The following CFAP97 variants were observed in gnomAD, a reference collection of about 807,000 sequenced individuals.
CFAP97 encodes the protein cilia and flagella associated protein 97, also known as cilia- and flagella-associated protein 97.
In CFAP97, 36 loss-of-function variants were observed where a neutral mutation model predicts 43.1. The observed-to-expected ratio is 0.84, with a 90% confidence interval of 0.64 to 1.10. The LOEUF is 1.10. CFAP97 is among the 50% of genes least tolerant of loss of function. The pLI, the probability that CFAP97 is intolerant of heterozygous loss-of-function variation, is 0.00. For missense variants in CFAP97, 657 were observed against 620.3 expected, an observed-to-expected ratio of 1.06 and a Z score of -0.63; for synonymous variants, 228 against 225.7, an observed-to-expected ratio of 1.01 and a Z score of -0.09.
intron 2 of CFAP97, among the ~76,000 whole-genome samples, chr4:185,188,085 T>C (rs530921046): frequency 2.6e-5 from 4 of 151,848 alleles, no homozygotes; most frequent in South Asian, 4.2e-4. Flanking sequence ...TTAGTAGAGA[T>C]GGGGTTTCAC....
chr4:185,206,480 T>G (rs901071406), upstream of CFAP97, among the ~76,000 whole-genome samples: 7 of 76,620 alleles, frequency 9.1e-5, no homozygotes, highest in Non-Finnish European at 1.5e-4. Context: ...ACCAGCCCGA[T>G]GAACCCCATC....
At chr4:185,173,312 G>A (rs867954726) in intron 3 of CFAP97, among the ~76,000 whole-genome samples, 25 of 148,348 alleles carry the variant, frequency 1.7e-4, no homozygotes, top group African/African-American at 5.9e-4. Context: ...ACAGTGAGCC[G>A]AGATCACGTC....
Position 185,162,263 on chromosome 4 carries a change from A to C in CFAP97, c.*535T>G, listed in dbSNP as rs1734897650. The C allele has an allele frequency of 6.5e-6, 1 of 153,468 alleles. No individual in the cohort carries two copies. Among genetic ancestry groups the C allele is most frequent in the East Asian group, 1.9e-4 (1 of 5,226 alleles). The allele number at this position is 153,468 out of a possible 1,614,324, so 9.5% of individuals were successfully genotyped here. On this transcript the variant is annotated 3_prime_UTR_variant, in exon 5 of 5. Transcript: ENST00000458385. Reference sequence around the variant, plus strand: ...AATTGCTCCAATAGAAGCGTCTCTCAATCTGCTCATCAAATCTAGATCAGC... The same window carrying C: ...AATTGCTCCAATAGAAGCGTCTCTCCATCTGCTCATCAAATCTAGATCAGC...
chr4:185,201,325 C>CTAAA (rs1736816898), intron 1 of CFAP97, among the ~76,000 whole-genome samples: 5 of 128,170 alleles, frequency 3.9e-5, no homozygotes, highest in African/African-American at 5.9e-5. Flanking sequence ...GACTCCGCCT[C>CTAAA]AAAAAAAAAA....
chr4:185,169,148 G>C (rs1458423379), intron 3 of CFAP97: 1 of 152,152 alleles, frequency 6.6e-6, no homozygotes, highest in Non-Finnish European at 1.5e-5. Context: ...GTAAGTTCTG[G>C]AGATCTAATG....
chr4:185,194,122 G>A lies in CFAP97; in HGVS notation c.-16-2910C>T, dbSNP rs191013323. On this transcript the variant is annotated intron_variant, in intron 1 of 4. Transcript: ENST00000458385. Reference sequence around the variant, plus strand: ...CTCCCCCAGCTTTCACACTACGACTGCAGAGCTAAGTAGCTGTGATTGAGA... The same window carrying A: ...CTCCCCCAGCTTTCACACTACGACTACAGAGCTAAGTAGCTGTGATTGAGA... Among the ~76,000 whole-genome samples, 559 of 152,290 alleles carry A rather than the reference G, an allele frequency of 3.7e-3. 3 individuals carry two copies. The highest frequency in any genetic ancestry group is 6.6e-3 in the Non-Finnish European group (451 of 68,026).
In CFAP97 at chr4:185,191,022, T is replaced by C. The variant is rs375760660; in HGVS notation, c.175A>G (p.Thr59Ala). 1.2e-6 allele frequency: 2 copies of C among 1,613,470 alleles called. No individual in the cohort carries two copies. The highest frequency in any genetic ancestry group is 1.7e-6 in the Non-Finnish European group (2 of 1,179,680). Reference protein sequence around the residue: ...KNVNSNTGMQTTENYLTEKGN... With the variant: ...KNVNSNTGMQATENYLTEKGN... ...TTCTCAGTAAGATAATTTTCTGTTG[T>C]TTGCATTCCAGTGTTCGAATTTACA... The change falls in exon 2 of 5, where the codon ACA becomes GCA. Residue 59 changes from threonine to alanine, a missense_variant. Coordinates refer to ENST00000458385, the MANE Select transcript of CFAP97 (RefSeq NM_020827.3).
intron 3 of CFAP97, among the ~76,000 whole-genome samples, chr4:185,168,087 T>C (rs533000857): frequency 1.3e-5 from 2 of 152,164 alleles, no homozygotes; most frequent in African/African-American, 4.8e-5. Flanking sequence ...TGCAACAGTA[T>C]TATCTTCCCA....
chr4:185,194,920 G>A (rs530355785), intron 1 of CFAP97, among the ~76,000 whole-genome samples: 15 of 152,210 alleles, frequency 9.9e-5, no homozygotes, highest in African/African-American at 3.4e-4. Flanking sequence ...GTGATGAGTG[G>A]GAGTCTGCTC....
At position 185,175,917 on chromosome 4, in the gene CFAP97, C is replaced by T; in HGVS notation, c.1189G>A (p.Glu397Lys). The T allele has an allele frequency of 1.9e-6, 3 of 1,613,912 alleles. No homozygotes were observed. Among genetic ancestry groups the T allele is most frequent in the Non-Finnish European group, 2.5e-6 (3 of 1,179,886 alleles). ...IDRENQRLLK[E>K]LSRQAEKPGS... ...GGCTTTTCCGCCTGTCTTGACAGTT[C>T]TTTCAAAAGCCTCTGATTTTCCCGA... The change falls in exon 3 of 5, where the codon GAA (glutamate) becomes AAA (lysine). Residue 397 changes from glutamate to lysine, a missense_variant. Coordinates refer to ENST00000458385, the MANE Select transcript of CFAP97 (RefSeq NM_020827.3).
chr4:185,168,163 A>G (rs1376946627), intron 3 of CFAP97, among the ~76,000 whole-genome samples: 1 of 152,136 alleles, frequency 6.6e-6, no homozygotes, highest in African/African-American at 2.4e-5. Flanking sequence ...CCTTCCTTAC[A>G]TTGCTCATAA....
chr4:185,191,068 T>A lies in CFAP97; in HGVS notation c.129A>T (p.Arg43Ser). Reference sequence around the variant, plus strand: ...TTACATTTTTTGTATCTTTATCTATTCTTTCCTTTGGGTCATCATTTTGCT... The same window carrying A: ...TTACATTTTTTGTATCTTTATCTATACTTTCCTTTGGGTCATCATTTTGCT... ...FDKQNDDPKE[R>S]IDKDTKNVNS... is the part of the protein sequence containing the mutation. The change falls in exon 2 of 5, where the codon AGA (arginine) becomes AGT (serine). Residue 43 changes from arginine (R) to serine (S), a missense_variant. Transcript: ENST00000458385. 6.2e-7 allele frequency: 1 copy of A among 1,613,512 alleles called. No individual in the cohort carries two copies. The highest frequency in any genetic ancestry group is 1.7e-4 in the Middle Eastern group (1 of 6,060).
intron 2 of CFAP97, among the ~76,000 whole-genome samples, chr4:185,179,006 C>CA (rs1170279162): frequency 1.3e-5 from 2 of 152,036 alleles, no homozygotes; most frequent in African/African-American, 4.8e-5. Flanking sequence ...CTAAAAAAAT[C>CA]ATAAAAAGAA....
chr4:185,167,755 G>C (rs931657383), intron 3 of CFAP97, among the ~76,000 whole-genome samples: 5 of 152,112 alleles, frequency 3.3e-5, no homozygotes, highest in Non-Finnish European at 7.4e-5. Context: ...AGCACTTTGC[G>C]AGGCTGAGGC....
At chr4:185,196,962 G>A (rs1378128348) in intron 1 of CFAP97, among the ~76,000 whole-genome samples, 7 of 151,970 alleles carry the variant, frequency 4.6e-5, no homozygotes, top group African/African-American at 1.7e-4. Flanking sequence ...AGCTGGGTGT[G>A]GTGGCAGGCG....
chr4:185,209,373 C>T lies in CFAP97; in HGVS notation c.-122G>A, dbSNP rs1471171566. 1.3e-5 allele frequency: 2 copies of T among 152,452 alleles called. No individual in the cohort carries two copies. The highest frequency in any genetic ancestry group is 2.9e-5 in the Non-Finnish European group (2 of 68,200). The allele number at this position is 152,452 out of a possible 1,614,324, so 9.4% of individuals were successfully genotyped here. A position where few individuals can be genotyped will look rare whatever the true frequency, so the allele number is the denominator to read the frequency against. On this transcript the variant is annotated 5_prime_UTR_variant, in exon 1 of 3. Transcript: ENST00000503223. The surrounding 1 kb of genome is among the most constrained non-coding windows in gnomAD (Gnocchi z 5.2). ...CGCTGACACCTGCAGCAAAATTTTC[C>T]ATGAACAGACGGCATCCTGTAGAGG...
chr4:185,164,483 G>C (rs1375086312), intron 3 of CFAP97, among the ~76,000 whole-genome samples: 1 of 152,106 alleles, frequency 6.6e-6, no homozygotes, highest in African/African-American at 2.4e-5. Flanking sequence ...AAGGGTTTTT[G>C]CCTATCCCAC....
intron 3 of CFAP97, among the ~76,000 whole-genome samples, chr4:185,170,655 C>T (rs538042806): frequency 2.6e-5 from 4 of 151,574 alleles, no homozygotes; most frequent in Non-Finnish European, 4.4e-5. Context: ...CTCAGGTGAT[C>T]CACCACGCCA....
At chr4:185,183,882 T>C (rs1735901791) in intron 2 of CFAP97, among the ~76,000 whole-genome samples, 1 of 152,212 alleles carries the variant, frequency 6.6e-6, no homozygotes, top group African/African-American at 2.4e-5. Flanking sequence ...AAGCTTCCCT[T>C]CTACATTTTA....
Sources: gnomAD v4.1 joint callset for allele counts (sites outside exome capture counted in the v4.1 genomes callset) on GRCh38, gnomAD v4.1.1 for gene constraint, Gnocchi (gnomAD v3.1) non-coding constraint, MANE v1.5 for transcripts, NCBI Gene and HGNC (gene_info 2026-07-23, HGNC 2026-07-21) for gene names.